Variants in SPATA6 observed in about 807,000 individuals in gnomAD.
The protein encoded by SPATA6 is spermatogenesis-associated protein 6.
A neutral mutation model predicts 65.3 loss-of-function variants in SPATA6; 56 were observed. The observed-to-expected ratio is 0.86, with a 90% CI of 0.69 to 1.07. SPATA6 has a LOEUF of 1.07. Ranked by LOEUF, SPATA6 falls within the 50% of genes least tolerant of loss-of-function variation. SPATA6 has a pLI of 0.00. For synonymous variants in SPATA6, 199 were observed against 213.2 expected (o/e 0.93, Z 0.58); for missense variants, 590 against 594.8 (o/e 0.99, Z 0.08).
At chr1:48,362,449 G>C (rs1161869624) in intron 9 of SPATA6, among the ~76,000 whole-genome samples, 1 of 152,010 alleles carries the variant, frequency 6.6e-6, no homozygotes, top group Non-Finnish European at 1.5e-5. Flanking sequence ...AAACTAGTCA[G>C]CATTGCTTTA....
Position 48,359,738 on chromosome 1 carries a change from A to G in SPATA6, c.942T>C (p.Asp314=). 2 of 1,613,188 alleles carry G rather than the reference A, an allele frequency of 1.2e-6. No individual in the cohort carries two copies. Among genetic ancestry groups the G allele is most frequent in the Non-Finnish European group, 1.7e-6 (2 of 1,179,624 alleles). ...VIRTPHGRDF[D]DSLEKCEEYL... ...ACTCTTCACATTTTTCTAAAGAGTC[A>G]TCGAAGTCTCTCCCATGGGGTGTCC... The change falls in exon 10 of 13, where the codon GAT becomes GAC. Residue 314 remains aspartate, a synonymous_variant. Coordinates refer to ENST00000371847, the MANE Select transcript of SPATA6 (RefSeq NM_019073.4).
At position 48,436,408 on chromosome 1, in the gene SPATA6, T is replaced by C. The variant is rs1654942326; in HGVS notation, c.238+15144A>G. The C allele has an allele frequency of 3.1e-6, 5 of 1,610,576 alleles. No homozygotes were observed. The Admixed American group carries it at 6.7e-5, about 21-fold the overall frequency. ...GGCCTATGGTTCAGCAAGTCAACTCTTGAGGACCTGTTTTCCTGAAGGAAT... is the reference window on the plus strand; with the variant it reads ...GGCCTATGGTTCAGCAAGTCAACTCCTGAGGACCTGTTTTCCTGAAGGAAT... On this transcript the variant is annotated intron_variant, in intron 3 of 12. Transcript: ENST00000371847.
intron 6 of SPATA6, chr1:48,402,791 T>A (rs1257991772): frequency 6.6e-6 from 1 of 152,138 alleles, no homozygotes; most frequent in Admixed American, 6.6e-5. Context: ...TAGGTCACTG[T>A]TACCCTATCA....
chr1:48,278,850 G>A, the SPATA6 span, among the ~76,000 whole-genome samples: 2 of 152,082 alleles, frequency 1.3e-5, no homozygotes, highest in Admixed American at 6.6e-5. Context: ...GATACTCCTC[G>A]AGAAGAGCAA....
At chr1:48,471,913 T>A (rs1306046867) in intron 1 of SPATA6, 45 bp downstream of exon 1, 1 of 1,599,764 alleles carries the variant, frequency 6.3e-7, no homozygotes, top group Non-Finnish European at 8.5e-7. Context: ...ACTGAGGGAG[T>A]CCCTGAGCCA....
intron 3 of SPATA6, among the ~76,000 whole-genome samples, chr1:48,432,288 C>CAAAA (rs1654475195): frequency 6.6e-6 from 1 of 152,000 alleles, no homozygotes; most frequent in Admixed American, 6.6e-5. Context: ...AAAAAATACA[C>CAAAA]AAATAGGACT....
intron 6 of SPATA6, among the ~76,000 whole-genome samples, chr1:48,402,320 T>A (rs1387930380): frequency 6.6e-6 from 1 of 152,036 alleles, no homozygotes; most frequent in African/African-American, 2.4e-5. Flanking sequence ...ATGCTATATT[T>A]CAGACAAAAA....
intron 11 of SPATA6, among the ~76,000 whole-genome samples, chr1:48,322,236 G>A (rs960643754): frequency 2.0e-5 from 3 of 151,760 alleles, no homozygotes; most frequent in Admixed American, 6.6e-5. Flanking sequence ...GATGAACAAA[G>A]TAGAACAGAG....
rs1335438849 is a variant in SPATA6, at chr1:48,384,340, G to A, written c.909+969C>T. 2.9e-5 allele frequency among the ~76,000 whole-genome samples: 2 copies of A among 68,430 alleles called. 1 individual carries two copies. The highest frequency in any genetic ancestry group is 5.1e-5 in the Non-Finnish European group (2 of 39,172). 44.9% of individuals were successfully genotyped at this position (68,430 alleles called of 152,430 possible). A position where few individuals can be genotyped will look rare whatever the true frequency, so the allele number is the denominator to read the frequency against. ...GGGAGACCGTGGAGGGACAGGGACA[G>A]GGACAGGGACAGGGAGAGGGAGAGG... On this transcript the variant is annotated intron_variant, in intron 9 of 12. Coordinates refer to ENST00000371847, the MANE Select transcript of SPATA6 (RefSeq NM_019073.4).
At chr1:48,381,687 C>CTT (rs34196190) in intron 9 of SPATA6, among the ~76,000 whole-genome samples, 56,508 of 121,348 alleles carry the variant, frequency 0.47, 12,988 homozygotes, top group African/African-American at 0.52. Context: ...AATTTTTTTT[C>CTT]TTTTTTTTTT....
chr1:48,471,885 TC>T, intron 1 of SPATA6, 72 bp downstream of exon 1: 1 of 1,558,942 alleles, frequency 6.4e-7, no homozygotes, highest in East Asian at 2.3e-5. Context: ...TGGGGGTGGT[TC>T]CGGGCTCTCG....
chr1:48,278,060 C>A, the SPATA6 span, among the ~76,000 whole-genome samples: 2 of 152,178 alleles, frequency 1.3e-5, no homozygotes, highest in African/African-American at 4.8e-5. Context: ...CTGCTGATAC[C>A]CAGGCAAACA....
At chr1:48,466,473 C>T (rs944430704) in intron 1 of SPATA6, among the ~76,000 whole-genome samples, 1 of 151,982 alleles carries the variant, frequency 6.6e-6, no homozygotes, top group African/African-American at 2.4e-5. Context: ...AAACAATACA[C>T]TACAACTTCA....
chr1:48,264,234 A>G, the SPATA6 span, among the ~76,000 whole-genome samples: 1 of 152,176 alleles, frequency 6.6e-6, no homozygotes, highest in African/African-American at 2.4e-5. Context: ...GTACCCAAAT[A>G]TTTTTGGGGG....
intron 1 of SPATA6, among the ~76,000 whole-genome samples, chr1:48,460,468 C>A (rs748132046): frequency 3.9e-5 from 6 of 152,088 alleles, no homozygotes; most frequent in Admixed American, 6.6e-5. Context: ...ATACTTGACA[C>A]TGAAAGACCG....
chr1:48,310,088 T>G (rs971673706), intron 11 of SPATA6, among the ~76,000 whole-genome samples: 9 of 152,210 alleles, frequency 5.9e-5, no homozygotes, highest in Non-Finnish European at 1.3e-4. Context: ...TATGCACACA[T>G]TCAGCTTTTT....
intron 11 of SPATA6, among the ~76,000 whole-genome samples, chr1:48,352,909 A>C (rs1428013456): frequency 6.6e-6 from 1 of 151,372 alleles, no homozygotes. Context: ...AATACAAAAA[A>C]AAAAAAAAAA....
chr1:48,292,712 C>T (rs1042404114), downstream of SPATA6, among the ~76,000 whole-genome samples: 9 of 152,208 alleles, frequency 5.9e-5, no homozygotes, highest in East Asian at 5.8e-4. Context: ...AGGGCATGCA[C>T]GCAGTGGTGC....
downstream of SPATA6, among the ~76,000 whole-genome samples, chr1:48,292,976 A>G (rs1644778259): frequency 6.6e-6 from 1 of 152,194 alleles, no homozygotes; most frequent in Admixed American, 6.5e-5. Context: ...AGAAAGCCAG[A>G]AGGCCATCTG....
Sources: allele counts gnomAD v4.1 joint callset (sites outside exome capture counted in the v4.1 genomes callset), GRCh38; gene constraint gnomAD v4.1.1; transcripts MANE v1.5; gene names NCBI Gene and HGNC (gene_info 2026-07-23, HGNC 2026-07-21).